ZBBX: variants seen among roughly 807,000 people sequenced by gnomAD.
ZBBX encodes the protein zinc finger B-box domain containing, also known as zinc finger B-box domain-containing protein 1.
A neutral mutation model predicts 108.5 loss-of-function variants in ZBBX; 101 were observed. The observed-to-expected ratio is 0.93, with a 90% CI of 0.79 to 1.10. The LOEUF is 1.10. Among genes scored for constraint, ZBBX ranks in the 50% least tolerant of loss-of-function variants. The probability of loss-of-function intolerance (pLI) is 0.00; values close to 1 mark genes in which losing one functional copy is unlikely to be tolerated. For synonymous variants in ZBBX, 356 were observed against 323.4 expected (o/e 1.10, Z -1.08); for missense variants, 1,009 against 941.4 (o/e 1.07, Z -0.94).
At chr3:167,384,250 A>G (rs1443893696), upstream of ZBBX, among the ~76,000 whole-genome samples, 1 of 152,142 alleles carries the variant, frequency 6.6e-6, no homozygotes, top group African/African-American at 2.4e-5. Flanking sequence ...TAGAAATAAT[A>G]AGTCTTGAAT....
the ZBBX span, among the ~76,000 whole-genome samples, chr3:167,199,409 T>C: frequency 2.0e-5 from 3 of 152,136 alleles, no homozygotes; most frequent in African/African-American, 4.8e-5. Flanking sequence ...CATATGGGAA[T>C]TGTGGGCAGG....
intron 16 of ZBBX, among the ~76,000 whole-genome samples, chr3:167,311,049 C>A (rs1297995844): frequency 1.3e-5 from 2 of 151,994 alleles, no homozygotes; most frequent in Non-Finnish European, 2.9e-5. Context: ...TACCTTACAT[C>A]AAGATTACTA....
the ZBBX span, among the ~76,000 whole-genome samples, chr3:167,226,852 A>G: frequency 6.6e-6 from 1 of 151,666 alleles, no homozygotes; most frequent in South Asian, 2.1e-4. Flanking sequence ...TCAGAAGTTT[A>G]GAGAGTATGT....
chr3:167,308,167 C>T (rs111461296), intron 16 of ZBBX, among the ~76,000 whole-genome samples: 2,015 of 152,188 alleles, frequency 0.013, 12 homozygotes, highest in Non-Finnish European at 0.02. Flanking sequence ...CAGACACTTT[C>T]CTAAAAGGGA....
intron 1 of ZBBX, among the ~76,000 whole-genome samples, chr3:167,400,014 C>T (rs1200754235): frequency 4.6e-5 from 7 of 152,150 alleles, no homozygotes; most frequent in African/African-American, 1.7e-4. Flanking sequence ...CAGCTACAAC[C>T]ATGTTGCTGC....
intron 21 of ZBBX, among the ~76,000 whole-genome samples, chr3:167,241,720 T>A (rs1279497740): frequency 1.3e-5 from 2 of 151,954 alleles, no homozygotes; most frequent in Non-Finnish European, 2.9e-5. Context: ...TCTTAAAAAA[T>A]TTTTTTACAA....
intron 21 of ZBBX, among the ~76,000 whole-genome samples, chr3:167,241,894 T>G (rs1282404267): frequency 6.6e-6 from 1 of 152,202 alleles, no homozygotes; most frequent in Non-Finnish European, 1.5e-5. Flanking sequence ...TTTTAGTCTT[T>G]CTAGAAGAAA....
chr3:167,392,644 C>T (rs1481853913), intron 1 of ZBBX, among the ~76,000 whole-genome samples: 3 of 151,722 alleles, frequency 2.0e-5, no homozygotes, highest in African/African-American at 7.3e-5. Flanking sequence ...CATCTGCCTC[C>T]TACAAAAGGA....
intron 18 of ZBBX, among the ~76,000 whole-genome samples, chr3:167,296,044 G>A (rs1731642796): frequency 6.6e-6 from 1 of 151,460 alleles, no homozygotes; most frequent in Non-Finnish European, 1.5e-5. Flanking sequence ...ATTAAAAACG[G>A]TTATACATCA....
chr3:167,240,028 G>A lies in ZBBX; in HGVS notation c.*765C>T, dbSNP rs777619755. The stretch of plus-strand genomic sequence containing the variant: ...AGATCACATGAGAACTCATTATCAC[G>A]AGAACAGCAGCATAGGGGTAACTGC... On this transcript the variant is annotated 3_prime_UTR_variant, in exon 22 of 22. Transcript: ENST00000675490. 2.4e-4 allele frequency among the ~76,000 whole-genome samples: 37 copies of A among 151,994 alleles called. No individual in the cohort carries two copies. The highest frequency in any genetic ancestry group is 8.2e-4 in the African/African-American group (34 of 41,400).
intron 20 of ZBBX, among the ~76,000 whole-genome samples, chr3:167,273,486 C>A (rs1166914624): frequency 1.3e-5 from 2 of 152,154 alleles, no homozygotes; most frequent in Admixed American, 6.5e-5. Flanking sequence ...CCCCCAAGGG[C>A]CATTCAGCTT....
At chr3:167,242,075 T>C (rs1304643772) in intron 21 of ZBBX, among the ~76,000 whole-genome samples, 1 of 152,196 alleles carries the variant, frequency 6.6e-6, no homozygotes, top group Non-Finnish European at 1.5e-5. Context: ...AAATATGTTA[T>C]TGTTAATTTT....
intron 16 of ZBBX, among the ~76,000 whole-genome samples, chr3:167,306,329 A>G (rs749897124): frequency 2.2e-4 from 33 of 152,038 alleles, no homozygotes; most frequent in Non-Finnish European, 4.0e-4. Context: ...ACATTTTTTC[A>G]TTTTGCCATT....
At chr3:167,329,704 G>T (rs1265257554) in intron 10 of ZBBX, among the ~76,000 whole-genome samples, 9 of 152,194 alleles carry the variant, frequency 5.9e-5, no homozygotes, top group Non-Finnish European at 1.3e-4. Flanking sequence ...TAAGCAGTTT[G>T]CATTGATGTA....
At chr3:167,368,262 G>A (rs1400327800) in intron 5 of ZBBX, among the ~76,000 whole-genome samples, 199 bp downstream of exon 5, 2 of 151,472 alleles carry the variant, frequency 1.3e-5, no homozygotes, top group East Asian at 3.9e-4. Context: ...CAAAAGTAAT[G>A]GTAATTTTAA....
chr3:167,321,237 G>A (rs1015058279), intron 12 of ZBBX, among the ~76,000 whole-genome samples: 3 of 151,980 alleles, frequency 2.0e-5, no homozygotes, highest in Non-Finnish European at 2.9e-5. Context: ...GTGAGTGGTG[G>A]TGCGGGTATT....
chr3:167,228,895 G>C, the ZBBX span, among the ~76,000 whole-genome samples: 52 of 151,684 alleles, frequency 3.4e-4, no homozygotes, highest in Admixed American at 1.3e-3. Flanking sequence ...TTGCTCCCAC[G>C]AATGAGTGGA....
chr3:167,277,602 G>A (rs1404001832), intron 20 of ZBBX, among the ~76,000 whole-genome samples: 12 of 152,120 alleles, frequency 7.9e-5, no homozygotes, highest in Non-Finnish European at 1.6e-4. Context: ...CATAAAGCAA[G>A]TCCTGAGTGA....
At chr3:167,246,429 A>C (rs990137679) in intron 20 of ZBBX, among the ~76,000 whole-genome samples, 1 of 152,208 alleles carries the variant, frequency 6.6e-6, no homozygotes, top group African/African-American at 2.4e-5. Flanking sequence ...CCAGTTACTC[A>C]GAAAGCCACT....
Sources: gnomAD v4.1 joint callset for allele counts (sites outside exome capture counted in the v4.1 genomes callset) on GRCh38, gnomAD v4.1.1 for gene constraint, MANE v1.5 for transcripts, NCBI Gene and HGNC (gene_info 2026-07-23, HGNC 2026-07-21) for gene names.